KAT6B: variants seen among roughly 807,000 people sequenced by gnomAD.
KAT6B encodes histone acetyltransferase KAT6B.
In KAT6B, 10 loss-of-function variants were observed where a neutral mutation model predicts 187.5. That is an observed-to-expected ratio of 0.05 (90% CI 0.03 to 0.09). KAT6B has a LOEUF of 0.09. Among genes scored for constraint, KAT6B ranks in the 10% least tolerant of loss-of-function variants. The pLI is 1.00. For missense variants in KAT6B, 1,952 were observed against 2,558.9 expected (o/e 0.76, Z 5.12); for synonymous variants, 861 against 926.8 (o/e 0.93, Z 1.29).
chr10:74,871,344 C>T (rs902219416), intron 3 of KAT6B, among the ~76,000 whole-genome samples: 4 of 151,686 alleles, frequency 2.6e-5, no homozygotes, highest in African/African-American at 9.7e-5. Context: ...AGGCACACAC[C>T]GTCATACCCG....
chr10:74,879,912 C>T (rs202238697), intron 3 of KAT6B, among the ~76,000 whole-genome samples: 44 of 151,986 alleles, frequency 2.9e-4, no homozygotes, highest in Non-Finnish European at 5.1e-4. Flanking sequence ...CTGGCCAACA[C>T]GGTGAAACCC....
chr10:75,008,687 A>C (rs1280171805), intron 13 of KAT6B, among the ~76,000 whole-genome samples: 1 of 152,186 alleles, frequency 6.6e-6, no homozygotes, highest in African/African-American at 2.4e-5. Flanking sequence ...GAACATAATG[A>C]ATGTTTTTAG....
At chr10:74,943,963 A>T (rs750097632) in intron 3 of KAT6B, among the ~76,000 whole-genome samples, 4 of 152,150 alleles carry the variant, frequency 2.6e-5, no homozygotes, top group Non-Finnish European at 5.9e-5. Context: ...AAGACAAACA[A>T]CCCAATTAAA....
Position 74,969,200 on chromosome 10 carries a change from G to A in KAT6B, c.731-460G>A, listed in dbSNP as rs550850627. Among the ~76,000 whole-genome samples the A allele has an allele frequency of 2.6e-5, 4 of 152,284 alleles. No homozygotes were observed. In the East Asian group the frequency reaches 7.7e-4, roughly 29 times the overall value. On this transcript the variant is annotated intron_variant, in intron 4 of 17. Coordinates refer to ENST00000287239, the MANE Select transcript of KAT6B (RefSeq NM_012330.4). ...AGGGCATCTGTAGTTATGTTAAGCA[G>A]CCTCAATTTTTTATTTAGTTATCTG...
intron 3 of KAT6B, among the ~76,000 whole-genome samples, chr10:74,918,964 T>A (rs1319694404): frequency 6.6e-6 from 1 of 152,142 alleles, no homozygotes; most frequent in Non-Finnish European, 1.5e-5. Flanking sequence ...ACGCTTGTAA[T>A]CCTAGCACTT....
rs115811596 is a variant in KAT6B at position 74,980,629 on chromosome 10, T to G, written c.2232-1158T>G. 6.3e-3 allele frequency among the ~76,000 whole-genome samples: 959 copies of G among 152,364 alleles called. 5 individuals are homozygous for G. Among genetic ancestry groups the G allele is most frequent in the African/African-American group, 0.021 (893 of 41,584 alleles). On this transcript the variant is annotated intron_variant, in intron 10 of 17. Coordinates refer to ENST00000287239, the MANE Select transcript of KAT6B (RefSeq NM_012330.4). ...ATAAGTGCAAGATTTGAAAGTAGTCTCACCTGTGTCTGCCTCTCTCTTGAA... is the reference window on the plus strand; with the variant it reads ...ATAAGTGCAAGATTTGAAAGTAGTCGCACCTGTGTCTGCCTCTCTCTTGAA...
intron 1 of KAT6B, among the ~76,000 whole-genome samples, chr10:74,837,728 T>C (rs1328194511): frequency 6.6e-6 from 1 of 152,130 alleles, no homozygotes; most frequent in East Asian, 1.9e-4. Flanking sequence ...TGGAAACAAA[T>C]CAGCCTAAGA....
At chr10:74,894,996 G>A (rs962907204) in intron 3 of KAT6B, among the ~76,000 whole-genome samples, 8 of 151,158 alleles carry the variant, frequency 5.3e-5, no homozygotes, top group South Asian at 2.1e-4. Context: ...TAGCAGCTAC[G>A]CCATTTTACA....
At chr10:75,024,875 G>A (rs751908441) in intron 16 of KAT6B, 83 bp from the exon 17 acceptor site, 47 of 1,279,304 alleles carry the variant, frequency 3.7e-5, no homozygotes, top group Admixed American at 2.6e-4. Flanking sequence ...TCAGACACGC[G>A]TTCAGTACAT....
intron 4 of KAT6B, among the ~76,000 whole-genome samples, chr10:74,965,826 C>T (rs1024970330): frequency 2.0e-5 from 3 of 151,408 alleles, no homozygotes; most frequent in African/African-American, 7.3e-5. Context: ...CCCGGGTTCA[C>T]GCCATTCTTC....
chr10:74,947,945 TGCCTGGCCTAAA>T (rs1189200752), intron 3 of KAT6B, among the ~76,000 whole-genome samples: 1 of 152,148 alleles, frequency 6.6e-6, no homozygotes, highest in Non-Finnish European at 1.5e-5. Context: ...CCCAGGGTGG[TGCCTGGCCTAAA>T]GCATAAGGAG....
chr10:75,003,916 A>G (rs1217508598), intron 13 of KAT6B, among the ~76,000 whole-genome samples: 1 of 152,202 alleles, frequency 6.6e-6, no homozygotes, highest in Non-Finnish European at 1.5e-5. Context: ...CTCTTATAGA[A>G]TAGTTTGTAT....
intron 1 of KAT6B, chr10:74,827,127 G>C (rs1381462633): frequency 6.6e-6 from 1 of 152,558 alleles, no homozygotes; most frequent in Non-Finnish European, 1.5e-5. Context: ...AGGAGCGGTG[G>C]GGGGCCGGCG....
At chr10:74,858,288 T>A (rs1027497908) in intron 3 of KAT6B, among the ~76,000 whole-genome samples, 1 of 151,084 alleles carries the variant, frequency 6.6e-6, no homozygotes, top group African/African-American at 2.4e-5. Context: ...GGGCAATTTT[T>A]TTTTTTTTTT....
At chr10:74,867,344 T>G (rs1401080189) in intron 3 of KAT6B, among the ~76,000 whole-genome samples, 3 of 152,200 alleles carry the variant, frequency 2.0e-5, no homozygotes, top group African/African-American at 4.8e-5. Flanking sequence ...CTTGCTACAT[T>G]GTTCCTGCTG....
intron 3 of KAT6B, among the ~76,000 whole-genome samples, chr10:74,908,457 A>C (rs568470207): frequency 6.7e-6 from 1 of 150,004 alleles, no homozygotes; most frequent in Non-Finnish European, 1.5e-5. Flanking sequence ...GCTACTCGGG[A>C]GGCTGATGCA....
rs187453102 is a variant in KAT6B at position 74,885,943 on chromosome 10, G to A, written c.621+42465G>A. Among the ~76,000 whole-genome samples the A allele has an allele frequency of 2.0e-5, 3 of 152,272 alleles. No homozygotes were observed. In the East Asian group the frequency reaches 5.8e-4, roughly 29 times the overall value. Reference sequence around the variant, plus strand: ...AGACAGGGTTTCACCATGTTGGCCAGGATGGTCTTGATCTCTTGACCTTGT... The same window carrying A: ...AGACAGGGTTTCACCATGTTGGCCAAGATGGTCTTGATCTCTTGACCTTGT... On this transcript the variant is annotated intron_variant, in intron 3 of 17. Coordinates refer to ENST00000287239, the MANE Select transcript of KAT6B (RefSeq NM_012330.4).
intron 3 of KAT6B, among the ~76,000 whole-genome samples, chr10:74,887,261 C>T (rs577746219): frequency 1.9e-4 from 29 of 152,266 alleles, no homozygotes; most frequent in African/African-American, 6.5e-4. Flanking sequence ...GGTGTCCAGA[C>T]ACTCCTGGCC....
At position 74,977,319 on chromosome 10, in the gene KAT6B, C is replaced by A. The variant is rs777854252; in HGVS notation, c.1997C>A (p.Thr666Asn). 6.2e-7 allele frequency: 1 copy of A among 1,612,886 alleles called. No individual in the cohort carries two copies. Residue 666 changes from threonine to asparagine, a missense_variant, in exon 9 of 18, where the codon ACT becomes AAT. Thr to Asn is a moderately conservative substitution (Grantham distance 65). Around this residue, in one of 9 missense-constraint regions of KAT6B, gnomAD observed 417 missense variants for 508.9 expected, o/e 0.82. Coordinates refer to ENST00000287239, the MANE Select transcript of KAT6B (RefSeq NM_012330.4). ...GRIKPDQDDD[T>N]EIKINIKQES... ...TTCTGCTGGTTTTAAATGACAGATA[C>A]TGAAATAAAAATAAACATCAAACAA...
Sources: gnomAD v4.1 joint callset for allele counts (sites outside exome capture counted in the v4.1 genomes callset) on GRCh38, gnomAD v4.1.1 for gene constraint, gnomAD v4.1.1 regional missense constraint, MANE v1.5 for transcripts, NCBI Gene and HGNC (gene_info 2026-07-23, HGNC 2026-07-21) for gene names.